Variants in RANBP10 observed in about 807,000 individuals in gnomAD.
RANBP10 encodes the protein ran-binding protein 10.
In RANBP10, 24 loss-of-function variants were observed where a neutral mutation model predicts 72.8. That is an observed-to-expected ratio of 0.33 (90% confidence interval 0.24 to 0.46). RANBP10 has a LOEUF of 0.46. Among genes scored for constraint, RANBP10 ranks in the 20% least tolerant of loss-of-function variants. The pLI, the probability that RANBP10 is intolerant of heterozygous loss-of-function variation, is 1.00. For missense variants in RANBP10, 679 were observed against 817.5 expected (o/e 0.83, Z 2.07); for synonymous variants, 310 against 322.3 (o/e 0.96, Z 0.41).
At chr16:67,753,675 A>T (rs1247277734) in intron 3 of RANBP10, among the ~76,000 whole-genome samples, 2 of 152,188 alleles carry the variant, frequency 1.3e-5, no homozygotes, top group Admixed American at 1.3e-4. Context: ...CATGTCTGAG[A>T]AACAGAAAAG....
chr16:67,802,498 C>T (rs1361413022), intron 2 of RANBP10, among the ~76,000 whole-genome samples: 10 of 152,118 alleles, frequency 6.6e-5, no homozygotes, highest in Admixed American at 5.2e-4. Context: ...ATTAGCCAGG[C>T]GTGGTGGCGT....
intron 2 of RANBP10, among the ~76,000 whole-genome samples, chr16:67,775,485 A>T (rs1296607314): frequency 6.6e-6 from 1 of 152,084 alleles, no homozygotes; most frequent in Non-Finnish European, 1.5e-5. Context: ...TGGAAAGGAA[A>T]ACTATCTCTG....
chr16:67,781,165 C>G (rs1461453983), intron 2 of RANBP10, among the ~76,000 whole-genome samples: 1 of 152,228 alleles, frequency 6.6e-6, no homozygotes, highest in Non-Finnish European at 1.5e-5. Context: ...ATGGGACAAC[C>G]CCACTTTGTC....
At chr16:67,806,207 G>A (rs778867439) in intron 1 of RANBP10, 95 bp downstream of exon 1, 157 of 1,218,792 alleles carry the variant, frequency 1.3e-4, no homozygotes, top group Non-Finnish European at 1.7e-4. Context: ...GGAGCACCTA[G>A]GCAGGGAAAG....
intron 2 of RANBP10, among the ~76,000 whole-genome samples, chr16:67,779,911 G>A (rs539806233): frequency 3.9e-5 from 6 of 152,260 alleles, no homozygotes; most frequent in African/African-American, 1.4e-4. Context: ...TAAATGACAG[G>A]AGAAAGAGGA....
At chr16:67,761,305 T>C (rs1291215074) in intron 3 of RANBP10, among the ~76,000 whole-genome samples, 1 of 152,070 alleles carries the variant, frequency 6.6e-6, no homozygotes, top group East Asian at 1.9e-4. Context: ...CTGCCCCAGG[T>C]TCCAAGCAAG....
Position 67,734,994 on chromosome 16 carries a change from C to A in RANBP10, c.640G>T (p.Asp214Tyr). ...VGLQTPGEIV[D>Y]ANFGQQPFLF... ...AAGGGCTGCTGCCCAAAGTTGGCGT[C>A]CACAATCTCCCCAGGTGTCTGCAGG... The change falls in exon 6 of 14, where the codon GAC (aspartate) becomes TAC (tyrosine). Residue 214 changes from aspartate (D) to tyrosine (Y), a missense_variant. Coordinates refer to ENST00000317506, the MANE Select transcript of RANBP10 (RefSeq NM_020850.3). 6.2e-7 allele frequency: 1 copy of A among 1,613,720 alleles called. No homozygotes were observed. The highest frequency in any genetic ancestry group is 1.1e-5 in the South Asian group (1 of 91,010).
chr16:67,726,661 T>G lies in RANBP10; in HGVS notation c.1733-103A>C. 3 of 1,341,798 alleles carry G rather than the reference T, an allele frequency of 2.2e-6. No individual in the cohort carries two copies. The South Asian group carries it at 4.4e-5, about 20-fold the overall frequency. 83.1% of individuals were successfully genotyped at this position (1,341,798 alleles called of 1,614,324 possible). A position where few individuals can be genotyped will look rare whatever the true frequency, so the allele number is the denominator to read the frequency against. ...GGAGGGGGCAGTGGACAGATTCTCT[T>G]GGAACAGAGTGTTCAGTACCTCTGT... On this transcript the variant is annotated intron_variant, in intron 13 of 13. Coordinates refer to ENST00000317506, the MANE Select transcript of RANBP10 (RefSeq NM_020850.3).
chr16:67,746,358 G>A (rs1379530286), intron 3 of RANBP10, among the ~76,000 whole-genome samples: 2 of 138,454 alleles, frequency 1.4e-5, no homozygotes, highest in Admixed American at 7.3e-5. Context: ...GTGGATGCCT[G>A]TAGTCCCAGC....
chr16:67,739,300 C>CCAA (rs899173556), intron 4 of RANBP10, among the ~76,000 whole-genome samples: 9 of 152,302 alleles, frequency 5.9e-5, no homozygotes, highest in Admixed American at 1.3e-4. Context: ...GATCCTCACA[C>CCAA]CAACTCTGGG....
chr16:67,804,649 C>T (rs985851441), intron 2 of RANBP10, among the ~76,000 whole-genome samples: 3 of 151,968 alleles, frequency 2.0e-5, no homozygotes, highest in Non-Finnish European at 2.9e-5. Flanking sequence ...GTGATCCGCC[C>T]GCCTCGGTCT....
chr16:67,772,106 A>C lies in RANBP10; in HGVS notation c.348-20T>G, dbSNP rs767887939. 6.3e-6 allele frequency: 10 copies of C among 1,593,518 alleles called. No homozygotes were observed. Among genetic ancestry groups the C allele is most frequent in the African/African-American group, 5.5e-5 (4 of 73,214 alleles). On this transcript the variant is annotated intron_variant, in intron 2 of 13. Coordinates refer to ENST00000317506, the MANE Select transcript of RANBP10 (RefSeq NM_020850.3). ...ATGTAACTTCAAAAAAAAAAAAAAA[A>C]AAAACACAAAATTTTTGGTTAGCAA...
In RANBP10 at chr16:67,805,412, G is replaced by A; in HGVS notation, c.347+16C>T. 6.2e-7 allele frequency: 1 copy of A among 1,600,832 alleles called. No homozygotes were observed. Among genetic ancestry groups the A allele is most frequent in the East Asian group, 2.2e-5 (1 of 44,824 alleles). ...GCTCCATGATCAGGGAAAGAGGGTG[G>A]TCATGAAGGGCTTACCCATCTCTTC... is the stretch of plus-strand genomic sequence containing the variant. On this transcript the variant is annotated intron_variant, in intron 2 of 13. Coordinates refer to ENST00000317506, the MANE Select transcript of RANBP10 (RefSeq NM_020850.3).
chr16:67,747,472 C>T (rs1330310121), intron 3 of RANBP10, among the ~76,000 whole-genome samples: 2 of 151,878 alleles, frequency 1.3e-5, no homozygotes, highest in Non-Finnish European at 2.9e-5. Flanking sequence ...GTATTTCTTC[C>T]AGTCTATGGT....
In RANBP10 at chr16:67,724,592, C is replaced by G. The variant is rs2053570634; in HGVS notation, c.*1836G>C. 6.6e-6 allele frequency: 1 copy of G among 152,256 alleles called. No homozygotes were observed. Among genetic ancestry groups the G allele is most frequent in the Non-Finnish European group, 1.5e-5 (1 of 68,076 alleles). 9.4% of individuals were successfully genotyped at this position (152,256 alleles called of 1,614,324 possible). A position where few individuals can be genotyped will look rare whatever the true frequency, so the allele number is the denominator to read the frequency against. ...CCATGGTCTATGGGTCTGCCAGCCCCAAGGACCAAGAAAAAGCAGCAGCTA... is the reference window on the plus strand; with the variant it reads ...CCATGGTCTATGGGTCTGCCAGCCCGAAGGACCAAGAAAAAGCAGCAGCTA... On this transcript the variant is annotated 3_prime_UTR_variant, in exon 14 of 14. Coordinates refer to ENST00000317506, the MANE Select transcript of RANBP10 (RefSeq NM_020850.3).
intron 5 of RANBP10, 26 bp from the exon 6 acceptor site, chr16:67,735,068 C>T (rs1254515288): frequency 6.4e-7 from 1 of 1,564,026 alleles, no homozygotes; most frequent in Non-Finnish European, 8.7e-7. Flanking sequence ...AAATGTCAGT[C>T]AGGCCCTGAG....
intron 3 of RANBP10, among the ~76,000 whole-genome samples, chr16:67,753,985 A>G (rs992571531): frequency 3.9e-5 from 6 of 152,040 alleles, no homozygotes; most frequent in Non-Finnish European, 8.8e-5. Context: ...AATACAAAAA[A>G]TTAGCCAGCG....
At chr16:67,737,192 CTTTTTTTTT>C (rs71145979) in intron 5 of RANBP10, among the ~76,000 whole-genome samples, 1 of 75,966 alleles carries the variant, frequency 1.3e-5, no homozygotes, top group South Asian at 4.7e-4. Context: ...CCATCCTTTT[CTTTTTTTTT>C]TTTTTTTTTT....
At chr16:67,775,306 G>A (rs934928863) in intron 2 of RANBP10, among the ~76,000 whole-genome samples, 2 of 152,018 alleles carry the variant, frequency 1.3e-5, no homozygotes, top group Admixed American at 6.6e-5. Context: ...GAGAGACTCC[G>A]CTTCGAAAAA....
Sources: allele counts gnomAD v4.1 joint callset (sites outside exome capture counted in the v4.1 genomes callset), GRCh38; gene constraint gnomAD v4.1.1; transcripts MANE v1.5; gene names NCBI Gene and HGNC (gene_info 2026-07-23, HGNC 2026-07-21).